The following NEGR1 variants were observed in gnomAD, a reference collection of about 807,000 sequenced individuals.
The protein encoded by NEGR1 is IgLON family member 4.
A neutral mutation model predicts 40.9 loss-of-function variants in NEGR1; 10 were observed. The observed-to-expected ratio is 0.24, with a 90% CI of 0.15 to 0.42. NEGR1 has a LOEUF of 0.42. NEGR1 is among the 10% of genes least tolerant of loss of function. The pLI, the probability that NEGR1 is intolerant of heterozygous loss-of-function variation, is 1.00. For missense variants in NEGR1, 352 were observed against 438.9 expected, an observed-to-expected ratio of 0.80 and a Z score of 1.77; for synonymous variants, 185 against 166.8, an observed-to-expected ratio of 1.11 and a Z score of -0.84.
chr1:71,763,730 C>T (rs1273713381), intron 3 of NEGR1, among the ~76,000 whole-genome samples: 1 of 140,390 alleles, frequency 7.1e-6, no homozygotes, highest in African/African-American at 2.6e-5. Context: ...AAATAAAGGG[C>T]TGATGCATAT....
At chr1:71,836,025 C>T (rs893251468) in intron 2 of NEGR1, among the ~76,000 whole-genome samples, 2 of 151,980 alleles carry the variant, frequency 1.3e-5, no homozygotes, top group African/African-American at 4.8e-5. Flanking sequence ...TAGCAGATAA[C>T]AAGGCAAAGC....
intron 2 of NEGR1, among the ~76,000 whole-genome samples, chr1:71,932,714 C>T (rs972969504): frequency 6.6e-6 from 1 of 152,020 alleles, no homozygotes; most frequent in Admixed American, 6.6e-5. Flanking sequence ...AGTTGCTAAG[C>T]TTCTTTATCT....
At chr1:71,791,424 A>G (rs1319679404) in intron 2 of NEGR1, among the ~76,000 whole-genome samples, 1 of 152,060 alleles carries the variant, frequency 6.6e-6, no homozygotes, top group Admixed American at 6.6e-5. Flanking sequence ...AGTGATATCA[A>G]TCTGAACGTG....
intron 3 of NEGR1, among the ~76,000 whole-genome samples, chr1:71,740,627 TTTTC>T (rs1231515032): frequency 6.6e-6 from 1 of 152,148 alleles, no homozygotes; most frequent in Non-Finnish European, 1.5e-5. Flanking sequence ...TATAATGTAA[TTTTC>T]AAGATATATT....
At chr1:71,513,296 C>A (rs970609515) in intron 6 of NEGR1, among the ~76,000 whole-genome samples, 1 of 152,128 alleles carries the variant, frequency 6.6e-6, no homozygotes. Context: ...CTCCACCTCT[C>A]AAAAAAGTGA....
chr1:72,023,083 C>T (rs1024841607), intron 1 of NEGR1, among the ~76,000 whole-genome samples: 1 of 151,736 alleles, frequency 6.6e-6, no homozygotes, highest in Non-Finnish European at 1.5e-5. Flanking sequence ...TGCATGTATC[C>T]AACTCATCTC....
intron 3 of NEGR1, among the ~76,000 whole-genome samples, chr1:71,737,175 T>C (rs1426875904): frequency 6.6e-6 from 1 of 152,212 alleles, no homozygotes; most frequent in Admixed American, 6.5e-5. Flanking sequence ...ATTTTTCAAC[T>C]TTTGAAAAGG....
intron 1 of NEGR1, among the ~76,000 whole-genome samples, chr1:72,206,012 G>T (rs1267797681): frequency 6.6e-6 from 1 of 150,984 alleles, no homozygotes. Context: ...GTAGCAAGTG[G>T]CTGAGGATAC....
chr1:72,030,027 A>G (rs1646843361), intron 1 of NEGR1, among the ~76,000 whole-genome samples: 1 of 10,922 alleles, frequency 9.2e-5, no homozygotes, highest in Non-Finnish European at 3.1e-4. Context: ...AAGGAGTGAA[A>G]TATGAAAAAA....
intron 2 of NEGR1, among the ~76,000 whole-genome samples, chr1:71,915,243 G>C (rs1293882105): frequency 1.3e-5 from 2 of 151,946 alleles, no homozygotes; most frequent in Non-Finnish European, 2.9e-5. Context: ...AAGCCTTTTT[G>C]TCATTACAAA....
chr1:71,402,726 C>T lies in NEGR1; in HGVS notation c.*4720G>A, dbSNP rs181682905. The T allele has an allele frequency of 6.6e-6, 1 of 152,134 alleles. No homozygotes were observed. The highest frequency in any genetic ancestry group is 2.4e-5 in the African/African-American group (1 of 41,442). 9.4% of individuals were successfully genotyped at this position (152,134 alleles called of 1,614,324 possible). A position where few individuals can be genotyped will look rare whatever the true frequency, so the allele number is the denominator to read the frequency against. On this transcript the variant is annotated 3_prime_UTR_variant, in exon 7 of 7. Coordinates refer to ENST00000357731, the MANE Select transcript of NEGR1 (RefSeq NM_173808.3). ...AATTATCTCTACAAATTCTTACTTA[C>T]ATTTCTGACTGTCAGGTTAAAGTGA...
chr1:71,819,474 G>A (rs948577127), intron 2 of NEGR1, among the ~76,000 whole-genome samples: 1 of 151,860 alleles, frequency 6.6e-6, no homozygotes, highest in Non-Finnish European at 1.5e-5. Context: ...TATGAAAAAG[G>A]AATGATCATA....
intron 5 of NEGR1, among the ~76,000 whole-genome samples, chr1:71,599,462 G>T (rs1209285342): frequency 6.6e-6 from 1 of 152,176 alleles, no homozygotes; most frequent in African/African-American, 2.4e-5. Context: ...AGGAGGAGGA[G>T]CAAGAACTGC....
chr1:71,866,208 A>T (rs1570446475), intron 2 of NEGR1, among the ~76,000 whole-genome samples: 2 of 152,136 alleles, frequency 1.3e-5, no homozygotes, highest in African/African-American at 4.8e-5. Flanking sequence ...CTACTTGAAT[A>T]ATTTAAAAAT....
chr1:71,974,062 A>G (rs1166809964), intron 1 of NEGR1, among the ~76,000 whole-genome samples: 5 of 152,214 alleles, frequency 3.3e-5, no homozygotes, highest in Non-Finnish European at 7.3e-5. Flanking sequence ...ATTACTTAGT[A>G]GAGCCATCAT....
rs1197166207 is a variant in NEGR1, at chr1:72,215,700, C to T, written c.176+66619G>A. Reference sequence around the variant, plus strand: ...ATCAGAATGGCCATTATTAAAAAGTCAGGAAATAACAGATGTTGGTGAGGC... The same window carrying T: ...ATCAGAATGGCCATTATTAAAAAGTTAGGAAATAACAGATGTTGGTGAGGC... On this transcript the variant is annotated intron_variant, in intron 1 of 6. Coordinates refer to ENST00000357731, the MANE Select transcript of NEGR1 (RefSeq NM_173808.3). 3.3e-5 allele frequency among the ~76,000 whole-genome samples: 5 copies of T among 151,830 alleles called. No individual in the cohort carries two copies. In the East Asian group the frequency reaches 9.7e-4, roughly 29 times the overall value.
chr1:71,466,187 C>A (rs144198177), intron 6 of NEGR1, among the ~76,000 whole-genome samples: 1 of 152,044 alleles, frequency 6.6e-6, no homozygotes, highest in Non-Finnish European at 1.5e-5. Flanking sequence ...TGGTGCCTGG[C>A]ACACATTATG....
chr1:72,282,362 C>T lies in NEGR1; in HGVS notation c.133G>A (p.Val45Met). The change falls in exon 1 of 7, where the codon GTG (valine) becomes ATG (methionine). Residue 45 changes from valine (V) to methionine (M), a missense_variant. Coordinates refer to ENST00000357731, the MANE Select transcript of NEGR1 (RefSeq NM_173808.3). Reference protein sequence around the residue: ...GQSVDFPWAAVDNMMVRKGDT... With the variant: ...GQSVDFPWAAMDNMMVRKGDT... ...CCTTTTCTGACCATCATGTTGTCCA[C>T]GGCCGCCCAGGGGAAGTCCACACTC... 8.7e-6 allele frequency: 14 copies of T among 1,614,100 alleles called. No homozygotes were observed. Among genetic ancestry groups the T allele is most frequent in the Non-Finnish European group, 1.2e-5 (14 of 1,180,022 alleles).
At chr1:71,994,501 C>A (rs1646485505) in intron 1 of NEGR1, among the ~76,000 whole-genome samples, 1 of 140,950 alleles carries the variant, frequency 7.1e-6, no homozygotes, top group African/African-American at 3.2e-5. Flanking sequence ...GCACTCCAGC[C>A]TGGGCGACAG....
Sources: gnomAD v4.1 joint callset for allele counts (sites outside exome capture counted in the v4.1 genomes callset) on GRCh38, gnomAD v4.1.1 for gene constraint, MANE v1.5 for transcripts, NCBI Gene and HGNC (gene_info 2026-07-23, HGNC 2026-07-21) for gene names.